The following MTREX variants were observed in gnomAD, a reference collection of about 807,000 sequenced individuals.
MTREX encodes exosome RNA helicase MTR4.
A neutral mutation model predicts 135.4 loss-of-function variants in MTREX; 76 were observed. The observed-to-expected ratio is 0.56, with a 90% CI of 0.47 to 0.68. The LOEUF is 0.68. Among genes scored for constraint, MTREX ranks in the 30% least tolerant of loss-of-function variants. The probability of loss-of-function intolerance (pLI) is 0.00; values close to 1 mark genes in which losing one functional copy is unlikely to be tolerated. For missense variants in MTREX, 920 were observed against 1,262.1 expected (o/e 0.73, Z 4.11); for synonymous variants, 404 against 401.6 (o/e 1.01, Z -0.07).
At chr5:55,342,787 G>T (rs1212787615) in intron 7 of MTREX, among the ~76,000 whole-genome samples, 3 of 152,042 alleles carry the variant, frequency 2.0e-5, no homozygotes, top group African/African-American at 7.2e-5. Context: ...GAGTTGTTTT[G>T]GTTTTAGAAT....
rs775982914 is a variant in MTREX, at chr5:55,397,373, T to G, written c.2182-43T>G. ...TTTAGGAAATAGTAGAATATGAACA[T>G]GTGCAAATTTAACTGTAATACTGTA... On this transcript the variant is annotated intron_variant, in intron 19 of 26. Transcript: ENST00000230640. 34 of 1,247,554 alleles carry G rather than the reference T, an allele frequency of 2.7e-5. 1 individual carries two copies. Among genetic ancestry groups the G allele is most frequent in the Middle Eastern group, 1.9e-4 (1 of 5,256 alleles). 77.3% of individuals were successfully genotyped at this position (1,247,554 alleles called of 1,614,324 possible). A position where few individuals can be genotyped will look rare whatever the true frequency, so the allele number is the denominator to read the frequency against.
At chr5:55,331,424 T>C (rs1749472912) in intron 5 of MTREX, among the ~76,000 whole-genome samples, 1 of 152,236 alleles carries the variant, frequency 6.6e-6, no homozygotes. Flanking sequence ...AGTCTAGGGC[T>C]GATTTTCCCC....
At chr5:55,414,470 A>G (rs987459812) in intron 24 of MTREX, among the ~76,000 whole-genome samples, 1 of 152,194 alleles carries the variant, frequency 6.6e-6, no homozygotes, top group African/African-American at 2.4e-5. Flanking sequence ...AATGAACTGT[A>G]TAGCATTGTT....
At chr5:55,366,076 G>A (rs1028740329) in intron 15 of MTREX, among the ~76,000 whole-genome samples, 1 of 151,754 alleles carries the variant, frequency 6.6e-6, no homozygotes. Context: ...AACCTTGTGA[G>A]TTTAGGTTGC....
chr5:55,309,109 G>A (rs1381621647), intron 1 of MTREX, among the ~76,000 whole-genome samples: 1 of 152,144 alleles, frequency 6.6e-6, no homozygotes, highest in Non-Finnish European at 1.5e-5. Context: ...TTATATACAA[G>A]AGAATATTCT....
At chr5:55,309,620 A>G (rs546066476) in intron 1 of MTREX, among the ~76,000 whole-genome samples, 41 of 152,350 alleles carry the variant, frequency 2.7e-4, no homozygotes, top group African/African-American at 8.2e-4. Flanking sequence ...AGGTTTTGAT[A>G]TAGTGATAAC....
intron 5 of MTREX, among the ~76,000 whole-genome samples, chr5:55,330,272 CGCTATGTT>C (rs1247390640): frequency 2.0e-5 from 3 of 151,876 alleles, no homozygotes; most frequent in African/African-American, 7.2e-5. Flanking sequence ...GATGAAATCT[CGCTATGTT>C]GCCTACACTG....
At chr5:55,415,307 G>T (rs932026880) in intron 24 of MTREX, among the ~76,000 whole-genome samples, 8 of 151,874 alleles carry the variant, frequency 5.3e-5, no homozygotes, top group Non-Finnish European at 7.4e-5. Flanking sequence ...TGAGTCACAA[G>T]TTTACCTAGA....
At position 55,345,185 on chromosome 5, in the gene MTREX, G is replaced by T; in HGVS notation, c.1097G>T (p.Gly366Val). 1 of 1,608,572 alleles carries T rather than the reference G, an allele frequency of 6.2e-7. No individual in the cohort carries two copies. Among genetic ancestry groups the T allele is most frequent in the South Asian group, 1.1e-5 (1 of 90,828 alleles). The change falls in exon 10 of 27, where the codon GGA becomes GTA. Residue 366 changes from glycine (G) to valine (V), a missense_variant. Physicochemically the swap from Gly to Val is moderately radical, Grantham distance 109. Transcript: ENST00000230640. The part of the protein sequence containing the change: ...LAKGDQKGRK[G>V]GTKGPSNVFK... ...AAAGGAGACCAGAAAGGGCGGAAAG[G>T]AGGAACAAAAGGTAATTTGGAACTT...
intron 6 of MTREX, among the ~76,000 whole-genome samples, chr5:55,340,474 A>G (rs542656760): frequency 1.3e-5 from 2 of 152,302 alleles, no homozygotes; most frequent in African/African-American, 4.8e-5. Context: ...TTTTATGTAC[A>G]TAGTTTTAAG....
At chr5:55,365,669 A>G (rs894442769) in intron 15 of MTREX, among the ~76,000 whole-genome samples, 8 of 152,126 alleles carry the variant, frequency 5.3e-5, no homozygotes, top group African/African-American at 1.9e-4. Context: ...CTACACAACC[A>G]TTTTCATACT....
At chr5:55,408,921 A>T (rs201624584) in intron 22 of MTREX, among the ~76,000 whole-genome samples, 233 of 2,330 alleles carry the variant, frequency 0.1, 3 homozygotes, top group Non-Finnish European at 0.11. Flanking sequence ...CAATATTTTT[A>T]TTTATTTATT....
intron 1 of MTREX, among the ~76,000 whole-genome samples, chr5:55,316,374 A>G (rs984437106): frequency 3.9e-5 from 6 of 152,212 alleles, no homozygotes; most frequent in Admixed American, 2.0e-4. Flanking sequence ...CATCAATGCA[A>G]AAATCCTCAG....
At chr5:55,316,995 GAGC>G (rs1280807173) in intron 1 of MTREX, among the ~76,000 whole-genome samples, 1 of 152,070 alleles carries the variant, frequency 6.6e-6, no homozygotes, top group East Asian at 1.9e-4. Context: ...GCCAGACTGA[GAGC>G]CAGATAAGAG....
chr5:55,355,858 G>A (rs1345459979), intron 14 of MTREX, among the ~76,000 whole-genome samples: 1 of 152,336 alleles, frequency 6.6e-6, no homozygotes. Context: ...CAGGGAAGAA[G>A]GCTCTGTGGA....
chr5:55,315,035 C>T (rs2112021312), intron 1 of MTREX, among the ~76,000 whole-genome samples: 1 of 152,246 alleles, frequency 6.6e-6, no homozygotes, highest in South Asian at 2.1e-4. Flanking sequence ...GGGTTGGGGG[C>T]CCATTTTAAG....
intron 13 of MTREX, among the ~76,000 whole-genome samples, chr5:55,351,770 A>C (rs921159600): frequency 1.3e-5 from 2 of 152,146 alleles, no homozygotes; most frequent in Admixed American, 1.3e-4. Flanking sequence ...ATTGATATTT[A>C]TACCAAGAAA....
At chr5:55,401,002 A>G (rs1205923732) in intron 21 of MTREX, among the ~76,000 whole-genome samples, 2 of 152,028 alleles carry the variant, frequency 1.3e-5, no homozygotes, top group Non-Finnish European at 2.9e-5. Flanking sequence ...CATTCCTTTT[A>G]AGGCCAAATC....
intron 15 of MTREX, 143 bp downstream of exon 15, chr5:55,358,841 G>A (rs907371144): frequency 1.6e-6 from 1 of 620,930 alleles, no homozygotes. Flanking sequence ...AAGATGGAAG[G>A]GTGTGATTAC....
Sources: gnomAD v4.1 joint callset for allele counts (sites outside exome capture counted in the v4.1 genomes callset) on GRCh38, gnomAD v4.1.1 for gene constraint, MANE v1.5 for transcripts, NCBI Gene and HGNC (gene_info 2026-07-23, HGNC 2026-07-21) for gene names.